MAPK10: variants seen among roughly 807,000 people sequenced by gnomAD.
MAPK10 encodes the protein JNK3 alpha protein kinase.
In MAPK10, 25 loss-of-function variants were observed where a neutral mutation model predicts 59.3. The observed-to-expected ratio is 0.42, with a 90% confidence interval of 0.31 to 0.59. The LOEUF (loss-of-function observed/expected upper bound fraction) is 0.59. MAPK10 is among the 20% of genes least tolerant of loss of function. The pLI, the probability that MAPK10 is intolerant of heterozygous loss-of-function variation, is 0.15. For missense variants in MAPK10, 351 were observed against 568.9 expected (o/e 0.62, Z 3.90); for synonymous variants, 190 against 200.5 (o/e 0.95, Z 0.44).
chr4:86,270,947 G>A (rs762668441), intron 2 of MAPK10, among the ~76,000 whole-genome samples: 29 of 151,854 alleles, frequency 1.9e-4, no homozygotes, highest in African/African-American at 5.3e-4. Context: ...TTTTCAGTTC[G>A]GAAAAATTAT....
At chr4:86,049,844 T>C (rs917468473) in intron 11 of MAPK10, among the ~76,000 whole-genome samples, 1 of 152,116 alleles carries the variant, frequency 6.6e-6, no homozygotes, top group African/African-American at 2.4e-5. Flanking sequence ...TATCACTTCA[T>C]CAGTCAGAAA....
chr4:86,251,765 T>C (rs1011674701), intron 2 of MAPK10, among the ~76,000 whole-genome samples: 6 of 135,442 alleles, frequency 4.4e-5, no homozygotes, highest in Non-Finnish European at 9.2e-5. Flanking sequence ...ACTTCCACAA[T>C]GGTTGAACTA....
At chr4:86,490,680 C>A (rs957327371) in intron 1 of MAPK10, among the ~76,000 whole-genome samples, 6 of 152,208 alleles carry the variant, frequency 3.9e-5, no homozygotes, top group Admixed American at 6.5e-5. Flanking sequence ...CTAATTCACC[C>A]ACGCAGAGAC....
intron 3 of MAPK10, among the ~76,000 whole-genome samples, chr4:86,176,838 A>G (rs1282215186): frequency 6.6e-6 from 1 of 152,084 alleles, no homozygotes; most frequent in Non-Finnish European, 1.5e-5. Context: ...TCAACATACA[A>G]GATATATCAC....
intron 1 of MAPK10, among the ~76,000 whole-genome samples, chr4:86,576,444 A>G (rs1761894904): frequency 6.6e-6 from 1 of 152,160 alleles, no homozygotes; most frequent in South Asian, 2.1e-4. Context: ...TCTTAAACTG[A>G]AAGACCTGAA....
chr4:86,056,836 A>G (rs186409149), intron 11 of MAPK10, among the ~76,000 whole-genome samples: 10 of 149,970 alleles, frequency 6.7e-5, no homozygotes, highest in Admixed American at 6.6e-4. Flanking sequence ...TAAAGATTGT[A>G]TACTTTTATG....
At chr4:86,067,092 G>T (rs2148993141) in intron 10 of MAPK10, among the ~76,000 whole-genome samples, 1 of 152,184 alleles carries the variant, frequency 6.6e-6, no homozygotes. Context: ...GATTCAAATT[G>T]ATTTAAAAAG....
At chr4:86,380,869 A>AAC (rs1332184218) in intron 1 of MAPK10, among the ~76,000 whole-genome samples, 2 of 151,628 alleles carry the variant, frequency 1.3e-5, no homozygotes, top group South Asian at 2.1e-4. Flanking sequence ...TAAAAAAAAA[A>AAC]AAAAAACACT....
intron 4 of MAPK10, among the ~76,000 whole-genome samples, chr4:86,112,148 C>CGA (rs1307975112): frequency 4.1e-5 from 6 of 144,786 alleles, no homozygotes; most frequent in African/African-American, 1.5e-4. Context: ...TTAACTTTTC[C>CGA]AAAAAAAAAA....
At chr4:86,022,014 G>T (rs1173161253) in intron 13 of MAPK10, among the ~76,000 whole-genome samples, 1 of 152,238 alleles carries the variant, frequency 6.6e-6, no homozygotes, top group Non-Finnish European at 1.5e-5. Context: ...TGCAAGCTGA[G>T]GGAGTGGGCT....
intron 1 of MAPK10, among the ~76,000 whole-genome samples, chr4:86,390,478 T>A (rs1742052177): frequency 6.6e-6 from 1 of 152,194 alleles, no homozygotes; most frequent in African/African-American, 2.4e-5. Flanking sequence ...GGATGCTACC[T>A]CTACTTTGAG....
chr4:86,090,904 C>G (rs1219627800), intron 9 of MAPK10: 2 of 152,070 alleles, frequency 1.3e-5, no homozygotes, highest in African/African-American at 2.4e-5. Flanking sequence ...ATTTCTATTT[C>G]TCATTTAGTA....
chr4:86,221,132 T>G (rs1423050004), intron 2 of MAPK10, among the ~76,000 whole-genome samples: 33 of 152,170 alleles, frequency 2.2e-4, no homozygotes, highest in Admixed American at 2.2e-3. Context: ...AGGAGAGGTT[T>G]AGAAATTAAA....
At chr4:86,529,928 C>T (rs1357103906) in intron 1 of MAPK10, among the ~76,000 whole-genome samples, 1 of 152,168 alleles carries the variant, frequency 6.6e-6, no homozygotes. Flanking sequence ...ATATATGATT[C>T]AGACACATCC....
At chr4:86,096,603 G>A (rs145061133) in intron 9 of MAPK10, among the ~76,000 whole-genome samples, 44 of 152,096 alleles carry the variant, frequency 2.9e-4, no homozygotes, top group African/African-American at 1.0e-3. Context: ...TGAGAGAGAT[G>A]TGGCTGTGCA....
At chr4:86,348,726 GCCTTCAGTACAACTTA>G (rs1729590834) in intron 2 of MAPK10, among the ~76,000 whole-genome samples, 1 of 151,984 alleles carries the variant, frequency 6.6e-6, no homozygotes, top group Non-Finnish European at 1.5e-5. Context: ...TCTTAGTTCT[GCCTTCAGTACAACTTA>G]CAAACAATCC....
At chr4:86,175,681 A>G (rs2075530150) in intron 3 of MAPK10, among the ~76,000 whole-genome samples, 1 of 152,128 alleles carries the variant, frequency 6.6e-6, no homozygotes, top group South Asian at 2.1e-4. Flanking sequence ...CCAGAAGCCA[A>G]GCAGATGCTT....
intron 1 of MAPK10, among the ~76,000 whole-genome samples, chr4:86,394,006 C>A (rs1742583051): frequency 6.6e-6 from 1 of 152,142 alleles, no homozygotes; most frequent in African/African-American, 2.4e-5. Flanking sequence ...CGTGGTGGCT[C>A]AAACTTGTAA....
At chr4:86,285,341 T>C (rs1319416387) in intron 2 of MAPK10, among the ~76,000 whole-genome samples, 2 of 151,816 alleles carry the variant, frequency 1.3e-5, no homozygotes, top group Admixed American at 1.3e-4. Context: ...CTCAGCCCAC[T>C]GAGTAGCTGG....
Sources: allele counts gnomAD v4.1 joint callset (sites outside exome capture counted in the v4.1 genomes callset), GRCh38; gene constraint gnomAD v4.1.1; transcripts MANE v1.5; gene names NCBI Gene and HGNC (gene_info 2026-07-23, HGNC 2026-07-21).